Variants in ERBB4 observed in about 807,000 individuals in gnomAD.
ERBB4 encodes the protein erb-b2 receptor tyrosine kinase 4, also known as receptor tyrosine-protein kinase erbB-4.
In ERBB4, 42 loss-of-function variants were observed where a neutral mutation model predicts 158.0. That is an observed-to-expected ratio of 0.27 (90% CI 0.21 to 0.34). The LOEUF is 0.34. Ranked by LOEUF, ERBB4 falls within the 10% of genes least tolerant of loss-of-function variation. The pLI is 1.00. For missense variants in ERBB4, 1,333 were observed against 1,624.1 expected (o/e 0.82, Z 3.08); for synonymous variants, 583 against 558.7 (o/e 1.04, Z -0.61).
intron 3 of ERBB4, among the ~76,000 whole-genome samples, chr2:211,895,094 A>G (rs1015479530): frequency 6.6e-6 from 1 of 152,146 alleles, no homozygotes; most frequent in Non-Finnish European, 1.5e-5. Context: ...TAGACATGCA[A>G]CTAGACAAAA....
chr2:211,380,763 C>T lies in ERBB4; in HGVS notation c.*2852G>A, dbSNP rs980334729. On this transcript the variant is annotated 3_prime_UTR_variant, in exon 28 of 28. Coordinates refer to ENST00000342788, the MANE Select transcript of ERBB4 (RefSeq NM_005235.3). ...GGTCATTTTGGATTATTCCTACATG[C>T]ATCTCTAGGTATTACCCAACATGTA... The T allele has an allele frequency of 6.0e-5, 14 of 231,724 alleles. No homozygotes were observed. Among genetic ancestry groups the T allele is most frequent in the Non-Finnish European group, 9.4e-5 (11 of 117,212 alleles). 14.4% of individuals were successfully genotyped at this position (231,724 alleles called of 1,614,324 possible).
chr2:211,545,886 T>C (rs368011310), intron 20 of ERBB4, among the ~76,000 whole-genome samples: 2 of 152,170 alleles, frequency 1.3e-5, no homozygotes, highest in African/African-American at 2.4e-5. Flanking sequence ...AATCTTTTGT[T>C]CACTTTGTGA....
intron 2 of ERBB4, among the ~76,000 whole-genome samples, chr2:211,963,509 T>A (rs551176675): frequency 7.9e-5 from 12 of 152,108 alleles, no homozygotes; most frequent in Non-Finnish European, 1.5e-4. Context: ...ATTCTTGTAT[T>A]AATATATATT....
Position 212,157,352 on chromosome 2 carries a change from C to T in ERBB4, c.83-32449G>A, listed in dbSNP as rs989573285. 7.9e-5 allele frequency among the ~76,000 whole-genome samples: 12 copies of T among 152,068 alleles called. No individual in the cohort carries two copies. The East Asian group carries it at 2.3e-3, about 30-fold the overall frequency. ...TGTGGGCCTAGTATTCAATACTTAC[C>T]CTTTTTATTGTATTTATTAGATCAG... On this transcript the variant is annotated intron_variant, in intron 1 of 27. Transcript: ENST00000342788.
chr2:211,400,755 A>G (rs1338063977), intron 25 of ERBB4, among the ~76,000 whole-genome samples: 1 of 151,038 alleles, frequency 6.6e-6, no homozygotes, highest in Non-Finnish European at 1.5e-5. Context: ...ATTTAGCTGT[A>G]TATTTTAAAA....
chr2:212,029,178 C>A (rs2076843726), intron 2 of ERBB4, among the ~76,000 whole-genome samples: 1 of 152,110 alleles, frequency 6.6e-6, no homozygotes, highest in African/African-American at 2.4e-5. Context: ...GACAGCAAAA[C>A]TGCCCTGAGC....
intron 19 of ERBB4, among the ~76,000 whole-genome samples, chr2:211,580,225 A>C (rs980561584): frequency 2.6e-5 from 4 of 152,196 alleles, no homozygotes; most frequent in Non-Finnish European, 5.9e-5. Flanking sequence ...GAGTGGGAGA[A>C]AATCTTCACA....
At chr2:212,393,577 T>C (rs772433906) in intron 1 of ERBB4, among the ~76,000 whole-genome samples, 57 of 152,238 alleles carry the variant, frequency 3.7e-4, no homozygotes, top group Non-Finnish European at 6.0e-4. Context: ...TTTGTGAGAA[T>C]AGGGTATGTG....
At chr2:212,107,639 C>T (rs2079271521) in intron 2 of ERBB4, among the ~76,000 whole-genome samples, 2 of 151,996 alleles carry the variant, frequency 1.3e-5, no homozygotes, top group South Asian at 4.1e-4. Flanking sequence ...TTGGGAGGGG[C>T]CAGGGGCAGA....
intron 1 of ERBB4, among the ~76,000 whole-genome samples, chr2:212,207,951 A>G (rs2082817128): frequency 6.6e-6 from 1 of 152,176 alleles, no homozygotes; most frequent in African/African-American, 2.4e-5. Flanking sequence ...ATAATTAGAA[A>G]AAAAGTAAAA....
chr2:212,430,113 T>C (rs939201961), intron 1 of ERBB4, among the ~76,000 whole-genome samples: 1 of 152,218 alleles, frequency 6.6e-6, no homozygotes, highest in Non-Finnish European at 1.5e-5. Context: ...ATAATGCTTA[T>C]GAAAGGAACT....
intron 3 of ERBB4, among the ~76,000 whole-genome samples, chr2:211,900,676 C>T (rs2079211900): frequency 6.6e-6 from 1 of 152,080 alleles, no homozygotes; most frequent in Non-Finnish European, 1.5e-5. Context: ...TTATATTTAG[C>T]AAGTTACTAA....
chr2:211,717,873 T>C (rs552951955), intron 7 of ERBB4, among the ~76,000 whole-genome samples: 1 of 152,228 alleles, frequency 6.6e-6, no homozygotes, highest in East Asian at 1.9e-4. Context: ...TCCTATCTCT[T>C]CGATTGTTAT....
chr2:212,301,899 A>G (rs1279291450), intron 1 of ERBB4, among the ~76,000 whole-genome samples: 2 of 151,510 alleles, frequency 1.3e-5, no homozygotes, highest in African/African-American at 4.8e-5. Context: ...GAAAATCCAC[A>G]TACAACTTTT....
chr2:211,848,565 A>G (rs1373814613), intron 3 of ERBB4, among the ~76,000 whole-genome samples: 1 of 152,020 alleles, frequency 6.6e-6, no homozygotes, highest in Admixed American at 6.6e-5. Context: ...ATCCTCATGT[A>G]TAATTGTTCT....
At chr2:211,410,972 G>T (rs546228704) in intron 25 of ERBB4, among the ~76,000 whole-genome samples, 2 of 152,252 alleles carry the variant, frequency 1.3e-5, no homozygotes, top group East Asian at 3.9e-4. Context: ...ACAGTGGCGT[G>T]ATCTCGGCTC....
At chr2:212,225,007 AT>A (rs1393055120) in intron 1 of ERBB4, among the ~76,000 whole-genome samples, 1 of 151,954 alleles carries the variant, frequency 6.6e-6, no homozygotes, top group Non-Finnish European at 1.5e-5. Flanking sequence ...TAAAAATTCA[AT>A]TTTTTCCTGA....
intron 1 of ERBB4, among the ~76,000 whole-genome samples, chr2:212,224,231 A>T (rs1356216347): frequency 6.6e-6 from 1 of 151,884 alleles, no homozygotes; most frequent in African/African-American, 2.4e-5. Flanking sequence ...GTCTATATGA[A>T]CTTCATTGTT....
intron 20 of ERBB4, among the ~76,000 whole-genome samples, chr2:211,508,929 A>T (rs555232832): frequency 7.6e-6 from 1 of 130,740 alleles, no homozygotes; most frequent in East Asian, 2.4e-4. Context: ...GACTGTCTCA[A>T]AAAACAAACA....
Sources: gnomAD v4.1 joint callset for allele counts (sites outside exome capture counted in the v4.1 genomes callset) on GRCh38, gnomAD v4.1.1 for gene constraint, MANE v1.5 for transcripts, NCBI Gene and HGNC (gene_info 2026-07-23, HGNC 2026-07-21) for gene names.